Variants in PRKAA1 observed in about 807,000 individuals in gnomAD.
The protein encoded by PRKAA1 is protein kinase AMP-activated catalytic subunit alpha 1.
A neutral mutation model predicts 56.9 loss-of-function variants in PRKAA1; 23 were observed. That is an observed-to-expected ratio of 0.40 (90% CI 0.29 to 0.57). PRKAA1 has a LOEUF of 0.57. Among genes scored for constraint, PRKAA1 ranks in the 20% least tolerant of loss-of-function variants. The pLI is 0.39. For missense variants in PRKAA1, 413 were observed against 679.7 expected (o/e 0.61, Z 4.36); for synonymous variants, 226 against 227.0 (o/e 1.00, Z 0.04).
In PRKAA1 at chr5:40,771,701, C is replaced by T; in HGVS notation, c.508+18G>A. ...AACATTAGAAATGAACGTTAAGAAA[C>T]TATAAAATTATCCTTACCAAAATCA... On this transcript the variant is annotated intron_variant, in intron 4 of 8. Coordinates refer to ENST00000397128, the MANE Select transcript of PRKAA1 (RefSeq NM_006251.6). 6.3e-7 allele frequency: 1 copy of T among 1,588,290 alleles called. No homozygotes were observed. The highest frequency in any genetic ancestry group is 2.2e-5 in the East Asian group (1 of 44,734).
intron 1 of PRKAA1, among the ~76,000 whole-genome samples, chr5:40,794,498 C>A: frequency 6.6e-6 from 1 of 150,924 alleles, no homozygotes; most frequent in Non-Finnish European, 1.5e-5. Context: ...TAATTAGGTC[C>A]CATCTATTTA....
chr5:40,772,088 T>C (rs11745121), intron 3 of PRKAA1, among the ~76,000 whole-genome samples: 16,908 of 152,234 alleles, frequency 0.11, 1,306 homozygotes, highest in Non-Finnish European at 0.17. Context: ...ATATTATCAT[T>C]TGCATATGAC....
rs1743097130 is a variant in PRKAA1 at position 40,759,919 on chromosome 5, C to G, written c.*2859G>C. On this transcript the variant is annotated 3_prime_UTR_variant, in exon 9 of 9. Coordinates refer to ENST00000397128, the MANE Select transcript of PRKAA1 (RefSeq NM_006251.6). ...GCCCCAACCTGGTAGAAAAGTTCCT[C>G]TCAGTGAGAAATCATTTATTTTAAT... The G allele has an allele frequency of 1.3e-5, 2 of 152,548 alleles. No individual in the cohort carries two copies. The highest frequency in any genetic ancestry group is 4.8e-5 in the African/African-American group (2 of 41,412). 9.4% of individuals were successfully genotyped at this position (152,548 alleles called of 1,614,324 possible).
intron 1 of PRKAA1, among the ~76,000 whole-genome samples, chr5:40,785,381 A>G (rs1372326302): frequency 1.3e-5 from 2 of 152,060 alleles, no homozygotes; most frequent in African/African-American, 4.8e-5. Context: ...CTGGGATTAC[A>G]GGCACCTACC....
At chr5:40,768,766 C>A (rs1473158277) in intron 5 of PRKAA1, 1 of 1,317,064 alleles carries the variant, frequency 7.6e-7, no homozygotes, top group South Asian at 2.2e-5. Context: ...CAAACTTCAG[C>A]TTCTGTTTTC....
intron 1 of PRKAA1, among the ~76,000 whole-genome samples, chr5:40,789,194 G>C (rs1232437891): frequency 6.6e-6 from 1 of 151,986 alleles, no homozygotes; most frequent in Non-Finnish European, 1.5e-5. Context: ...CTGGGCAACA[G>C]AGTGAGACAC....
Position 40,783,633 on chromosome 5 carries a change from C to T in PRKAA1, c.128-6047G>A, listed in dbSNP as rs147927545. Reference sequence around the variant, plus strand: ...AATTAACCAGGCGTGTTGGCACGCACCTGTAATCCCAGCTACTTAGGAGGC... The same window carrying T: ...AATTAACCAGGCGTGTTGGCACGCATCTGTAATCCCAGCTACTTAGGAGGC... On this transcript the variant is annotated intron_variant, in intron 1 of 8. Transcript: ENST00000397128. 3.6e-3 allele frequency among the ~76,000 whole-genome samples: 548 copies of T among 152,180 alleles called. 2 individuals are homozygous for T. Among genetic ancestry groups the T allele is most frequent in the African/African-American group, 0.012 (513 of 41,544 alleles).
intron 1 of PRKAA1, among the ~76,000 whole-genome samples, chr5:40,794,622 C>G (rs1449971709): frequency 9.6e-6 from 1 of 104,120 alleles, no homozygotes; most frequent in African/African-American, 3.0e-5. Flanking sequence ...AGTTTCAGGT[C>G]TTAGGTTTAA....
chr5:40,764,405 T>C (rs1743325863), intron 8 of PRKAA1, 109 bp downstream of exon 8: 2 of 1,042,688 alleles, frequency 1.9e-6, no homozygotes, highest in African/African-American at 1.6e-5. Flanking sequence ...TTTTATTCCT[T>C]TGCAGTTGAA....
chr5:40,778,114 G>A (rs550921314), intron 1 of PRKAA1, among the ~76,000 whole-genome samples: 1 of 152,066 alleles, frequency 6.6e-6, no homozygotes, highest in Admixed American at 6.5e-5. Context: ...GGGTGCAGTG[G>A]TGGCACATGC....
At chr5:40,769,024 C>T in intron 5 of PRKAA1, 1 of 942,754 alleles carries the variant, frequency 1.1e-6, no homozygotes, top group East Asian at 2.6e-5. Flanking sequence ...TATCATGAAA[C>T]ATAAAGGTAC....
rs1339790406 is a variant in PRKAA1, at chr5:40,771,746, G to A, written c.481C>T (p.His161Tyr). The A allele has an allele frequency of 1.9e-6, 3 of 1,610,806 alleles. No homozygotes were observed. Among genetic ancestry groups the A allele is most frequent in the Non-Finnish European group, 2.5e-6 (3 of 1,179,294 alleles). The change falls in exon 4 of 9, where the codon CAC becomes TAC. Residue 161 changes from histidine (H) to tyrosine (Y), a missense_variant. This residue lies in a region of PRKAA1 where 113 missense variants were observed against 198.6 expected (regional missense o/e 0.57). Transcript: ENST00000397128. ...LKPENVLLDA[H>Y]MNAKIADFGL... is the part of the protein sequence containing the mutation. ...AAATCAGCTATCTTTGCATTCATGTGTGCATCAAGCAGGACATTTTCAGGT... is the reference window on the plus strand; with the variant it reads ...AAATCAGCTATCTTTGCATTCATGTATGCATCAAGCAGGACATTTTCAGGT...
rs1248265079 is a variant in PRKAA1 at position 40,763,098 on chromosome 5, T to A, written c.1436-76A>T. On this transcript the variant is annotated intron_variant, in intron 8 of 8. Transcript: ENST00000397128. Reference sequence around the variant, plus strand: ...ATTTTTGTAACAGTATTGAATTTGCTTCTTTAAGTGGGGCTGCTGGCCAGC... The same window carrying A: ...ATTTTTGTAACAGTATTGAATTTGCATCTTTAAGTGGGGCTGCTGGCCAGC... The A allele has an allele frequency of 7.4e-6, 11 of 1,493,762 alleles. No homozygotes were observed. The Admixed American group carries it at 2.0e-4, about 27-fold the overall frequency. The allele number at this position is 1,493,762 out of a possible 1,614,324, so 92.5% of individuals were successfully genotyped here. A position where few individuals can be genotyped will look rare whatever the true frequency, so the allele number is the denominator to read the frequency against.
At chr5:40,782,595 TA>T in intron 1 of PRKAA1, among the ~76,000 whole-genome samples, 1 of 152,090 alleles carries the variant, frequency 6.6e-6, no homozygotes, top group African/African-American at 2.4e-5. Flanking sequence ...TTCAGAGTGA[TA>T]AGAAAATATA....
chr5:40,768,908 G>A, intron 5 of PRKAA1: 2 of 1,559,528 alleles, frequency 1.3e-6, no homozygotes, highest in Middle Eastern at 1.7e-4. Flanking sequence ...AGTAAATTGA[G>A]AGGTTAAAAT....
At position 40,764,605 on chromosome 5, in the gene PRKAA1, C is replaced by A; in HGVS notation, c.1344G>T (p.Lys448Asn). Residue 448 changes from lysine to asparagine, a missense_variant, in exon 8 of 9, where the codon AAG (lysine) becomes AAT (asparagine). Lys to Asn is a moderately conservative substitution (Grantham distance 94). Around this residue, in one of 9 missense-constraint regions of PRKAA1, gnomAD observed 139 missense variants for 171.5 expected, o/e 0.81. Transcript: ENST00000397128. ...VNPYYLRVRR[K>N]NPVTSTYSKM... ...TGGAGTAAGTGCTTGTCACAGGATTCTTCCTTCGTACACGCAAATAATATG... is the reference window on the plus strand; with the variant it reads ...TGGAGTAAGTGCTTGTCACAGGATTATTCCTTCGTACACGCAAATAATATG... 1 of 1,613,990 alleles carries A rather than the reference C, an allele frequency of 6.2e-7. No individual in the cohort carries two copies. The highest frequency in any genetic ancestry group is 8.5e-7 in the Non-Finnish European group (1 of 1,179,948).
At position 40,775,311 on chromosome 5, in the gene PRKAA1, T is replaced by C. The variant is rs1387697679; in HGVS notation, c.363+99A>G. ...AATATATGACTAAGGGAACTGGTTA[T>C]TAAATAGACCTCTTAAAATTGGTTG... On this transcript the variant is annotated intron_variant, in intron 3 of 8. Coordinates refer to ENST00000397128, the MANE Select transcript of PRKAA1 (RefSeq NM_006251.6). 12 of 877,824 alleles carry C rather than the reference T, an allele frequency of 1.4e-5. No homozygotes were observed. In the East Asian group the frequency reaches 2.8e-4, roughly 20 times the overall value. The allele number at this position is 877,824 out of a possible 1,614,324, so 54.4% of individuals were successfully genotyped here.
intron 3 of PRKAA1, among the ~76,000 whole-genome samples, chr5:40,773,843 A>C (rs1260869956): frequency 6.6e-6 from 1 of 152,218 alleles, no homozygotes; most frequent in Non-Finnish European, 1.5e-5. Flanking sequence ...TACTCTAGTA[A>C]GGCTGAACCA....
intron 4 of PRKAA1, among the ~76,000 whole-genome samples, 174 bp downstream of exon 4, chr5:40,771,545 G>T (rs1253168511): frequency 6.6e-6 from 1 of 152,066 alleles, no homozygotes; most frequent in Non-Finnish European, 1.5e-5. Flanking sequence ...AAGAAAAGAT[G>T]ATTTCTTAGC....
Sources: gnomAD v4.1 joint callset for allele counts (sites outside exome capture counted in the v4.1 genomes callset) on GRCh38, gnomAD v4.1.1 for gene constraint, gnomAD v4.1.1 regional missense constraint, MANE v1.5 for transcripts, NCBI Gene and HGNC (gene_info 2026-07-23, HGNC 2026-07-21) for gene names.